The following RBKS variants were observed in gnomAD, a reference collection of about 807,000 sequenced individuals.
RBKS encodes ribokinase.
In RBKS, 33 loss-of-function variants were observed where a neutral mutation model predicts 33.9. The observed-to-expected ratio is 0.97, with a 90% CI of 0.74 to 1.30. The LOEUF (loss-of-function observed/expected upper bound fraction) is 1.30, where lower values mean the gene tolerates loss of function less well. Ranked by LOEUF, RBKS falls within the 50% of genes most tolerant of loss-of-function variation. The pLI, the probability that RBKS is intolerant of heterozygous loss-of-function variation, is 0.00. For missense variants in RBKS, 361 were observed against 392.6 expected (o/e 0.92, Z 0.68); for synonymous variants, 125 against 143.0 (o/e 0.87, Z 0.90).
intron 1 of RBKS, among the ~76,000 whole-genome samples, chr2:27,885,865 A>G (rs1380227869): frequency 3.3e-5 from 5 of 152,224 alleles, no homozygotes; most frequent in African/African-American, 1.2e-4. Flanking sequence ...TATTTCTTGA[A>G]TGAATAATTA....
At chr2:27,816,177 G>C (rs1370604423) in intron 7 of RBKS, among the ~76,000 whole-genome samples, 1 of 152,190 alleles carries the variant, frequency 6.6e-6, no homozygotes, top group African/African-American at 2.4e-5. Flanking sequence ...TAGATTTCTA[G>C]AGCCCTGGGT....
chr2:27,828,130 T>TC (rs1362737673), intron 6 of RBKS, among the ~76,000 whole-genome samples: 2 of 152,218 alleles, frequency 1.3e-5, no homozygotes, highest in Non-Finnish European at 2.9e-5. Flanking sequence ...TACTTTTTTT[T>TC]CCACTTACTT....
rs145491413 is a variant in RBKS, at chr2:27,858,297, G to A, written c.222+142C>T. On this transcript the variant is annotated intron_variant, in intron 2 of 7. Coordinates refer to ENST00000302188, the MANE Select transcript of RBKS (RefSeq NM_022128.3). ...CTGGAACAAGACAGAAGTGGTGGTT[G>A]AATGTATTAAATGCCACTCTATGTA... The A allele has an allele frequency of 5.2e-5, 35 of 676,756 alleles. No homozygotes were observed. In the East Asian group the frequency reaches 9.8e-4, roughly 19 times the overall value. The allele number at this position is 676,756 out of a possible 1,614,324, so 41.9% of individuals were successfully genotyped here.
chr2:27,800,717 T>TA (rs930910976), intron 7 of RBKS, among the ~76,000 whole-genome samples: 3 of 152,128 alleles, frequency 2.0e-5, no homozygotes, highest in Admixed American at 6.6e-5. Context: ...ACAAGGGGTT[T>TA]ATGCTGTGAC....
intron 7 of RBKS, among the ~76,000 whole-genome samples, chr2:27,806,665 C>G (rs1428755810): frequency 6.6e-6 from 1 of 152,244 alleles, no homozygotes; most frequent in African/African-American, 2.4e-5. Context: ...TGTATTCTAA[C>G]TTTGCTCAAA....
intron 4 of RBKS, 98 bp from the exon 5 acceptor site, chr2:27,843,329 T>C (rs1663554811): frequency 3.4e-6 from 3 of 885,132 alleles, no homozygotes; most frequent in Non-Finnish European, 5.0e-6. Context: ...AAAGTCATTA[T>C]ACAAAATGTG....
intron 1 of RBKS, among the ~76,000 whole-genome samples, chr2:27,860,945 C>A (rs1362438189): frequency 6.6e-6 from 1 of 151,602 alleles, no homozygotes; most frequent in Non-Finnish European, 1.5e-5. Flanking sequence ...AAGAGTCTCC[C>A]TTTGTCTCTG....
In RBKS at chr2:27,781,678, G is replaced by T. The variant is rs368241791; in HGVS notation, c.906C>A (p.Val302=). 8 of 1,613,928 alleles carry T rather than the reference G, an allele frequency of 5.0e-6. No individual in the cohort carries two copies. The highest frequency in any genetic ancestry group is 1.3e-5 in the African/African-American group (1 of 74,910). The change falls in exon 8 of 8, where the codon GTC becomes GTA. Residue 302 remains valine, a synonymous_variant. Transcript: ENST00000302188. ...NRSNFIAAVS[V]QAAGTQSSYP... Reference sequence around the variant, plus strand: ...AAGATGACTGTGTTCCTGCAGCCTGGACACTGACTGCTGCAATGAAATTGG... The same window carrying T: ...AAGATGACTGTGTTCCTGCAGCCTGTACACTGACTGCTGCAATGAAATTGG...
rs192506331 is a variant in RBKS at position 27,857,136 on chromosome 2, C to A, written c.222+1303G>T. 2.2e-3 allele frequency among the ~76,000 whole-genome samples: 340 copies of A among 152,246 alleles called. 4 individuals are homozygous for A. Among genetic ancestry groups the A allele is most frequent in the Non-Finnish European group, 2.9e-3 (195 of 68,012 alleles). On this transcript the variant is annotated intron_variant, in intron 2 of 7. Coordinates refer to ENST00000302188, the MANE Select transcript of RBKS (RefSeq NM_022128.3). ...ATAGTTTATACATCATTTAAAACTC[C>A]TGTGGAGAGAAAAGTGCTGACTGCA... is the stretch of plus-strand genomic sequence containing the variant.
chr2:27,847,988 A>T, intron 3 of RBKS, 46 bp downstream of exon 3: 1 of 1,089,072 alleles, frequency 9.2e-7, no homozygotes, highest in Non-Finnish European at 1.4e-6. Flanking sequence ...ACAAAATCAC[A>T]GAAAAAAGCT....
chr2:27,811,139 C>T (rs1434858397), intron 7 of RBKS, among the ~76,000 whole-genome samples: 9 of 152,204 alleles, frequency 5.9e-5, no homozygotes, highest in African/African-American at 2.2e-4. Context: ...CTTTACCAAG[C>T]TGCCTCTGCC....
chr2:27,864,548 T>TA (rs1166302656), intron 1 of RBKS, among the ~76,000 whole-genome samples: 2 of 152,288 alleles, frequency 1.3e-5, no homozygotes, highest in Non-Finnish European at 2.9e-5. Flanking sequence ...GTTACAGTCT[T>TA]ACAGGGCTGA....
rs1236452537 is a variant in RBKS at position 27,832,875 on chromosome 2, T to C, written c.515-98A>G. 1.6e-5 allele frequency: 13 copies of C among 801,520 alleles called. 1 individual carries two copies. The highest frequency in any genetic ancestry group is 4.5e-4 in the Middle Eastern group (2 of 4,426). 49.7% of individuals were successfully genotyped at this position (801,520 alleles called of 1,614,324 possible). On this transcript the variant is annotated intron_variant, in intron 5 of 7. Transcript: ENST00000302188. The stretch of plus-strand genomic sequence containing the variant: ...GTAGGGAAAATCCCCGAGTTCGTTT[T>C]TGTCTTCATCTGGTTAAATATCCAC...
chr2:27,875,926 G>T (rs1049549734), intron 1 of RBKS, among the ~76,000 whole-genome samples: 1 of 152,046 alleles, frequency 6.6e-6, no homozygotes, highest in African/African-American at 2.4e-5. Flanking sequence ...ATAAAAGAGG[G>T]ATTACAAATG....
At chr2:27,797,886 C>T (rs941454520) in intron 7 of RBKS, among the ~76,000 whole-genome samples, 1 of 151,972 alleles carries the variant, frequency 6.6e-6, no homozygotes, top group African/African-American at 2.4e-5. Context: ...CTGGGAACGG[C>T]GTAGAAGAGT....
At chr2:27,838,685 A>G (rs1663375966) in intron 5 of RBKS, among the ~76,000 whole-genome samples, 1 of 152,232 alleles carries the variant, frequency 6.6e-6, no homozygotes, top group Non-Finnish European at 1.5e-5. Flanking sequence ...CAGTTAATCA[A>G]AGAAGAATGC....
chr2:27,857,341 G>T (rs1196459397), intron 2 of RBKS, among the ~76,000 whole-genome samples: 1 of 152,142 alleles, frequency 6.6e-6, no homozygotes, highest in Non-Finnish European at 1.5e-5. Context: ...ATGCTATAAT[G>T]CTAGCGCCTT....
chr2:27,879,570 G>A lies in RBKS; in HGVS notation c.89+10687C>T, dbSNP rs1334002192. Among the ~76,000 whole-genome samples, 3 of 152,180 alleles carry A rather than the reference G, an allele frequency of 2.0e-5. No homozygotes were observed. The East Asian group carries it at 5.8e-4, about 29-fold the overall frequency. The stretch of plus-strand genomic sequence containing the variant: ...GAATGATATAGCAATCTCACCAGAT[G>A]CCCTTGATCTTGGACTCTCCATTGT... On this transcript the variant is annotated intron_variant, in intron 1 of 7. Coordinates refer to ENST00000302188, the MANE Select transcript of RBKS (RefSeq NM_022128.3).
intron 7 of RBKS, among the ~76,000 whole-genome samples, chr2:27,806,095 G>A (rs891183323): frequency 2.0e-5 from 3 of 151,748 alleles, no homozygotes; most frequent in East Asian, 1.9e-4. Flanking sequence ...CGTTGCCCAC[G>A]CTGGTCTCAA....
Sources: gnomAD v4.1 joint callset for allele counts (sites outside exome capture counted in the v4.1 genomes callset) on GRCh38, gnomAD v4.1.1 for gene constraint, MANE v1.5 for transcripts, NCBI Gene and HGNC (gene_info 2026-07-23, HGNC 2026-07-21) for gene names.